The following GABRG1 variants were observed in gnomAD, a reference collection of about 807,000 sequenced individuals.
GABRG1 encodes the protein gamma-aminobutyric acid type A receptor subunit gamma1.
In GABRG1, 49 loss-of-function variants were observed where a neutral mutation model predicts 49.8. The observed-to-expected ratio is 0.98, with a 90% confidence interval of 0.78 to 1.25. GABRG1 has a LOEUF of 1.25. Among genes scored for constraint, GABRG1 ranks in the 50% most tolerant of loss-of-function variants. The pLI is 0.00. For synonymous variants in GABRG1, 232 were observed against 185.1 expected, an observed-to-expected ratio of 1.25 and a Z score of -2.06; for missense variants, 552 against 552.3, an observed-to-expected ratio of 1.00 and a Z score of 0.01.
At chr4:46,063,073 C>T (rs1365173678) in intron 5 of GABRG1, among the ~76,000 whole-genome samples, 6 of 150,452 alleles carry the variant, frequency 4.0e-5, no homozygotes, top group South Asian at 2.1e-4. Context: ...GAATCAATAT[C>T]GTGAAAATGG....
rs572396064 is a variant in GABRG1, at chr4:46,104,349, C to T, written c.105-7000G>A. ...CCAATACACAGTTTAAGAAACAAAA[C>T]GCTCTACATTCTTCTCCAGCCTCAG... On this transcript the variant is annotated intron_variant, in intron 1 of 8. Transcript: ENST00000295452. Among the ~76,000 whole-genome samples, 164 of 151,578 alleles carry T rather than the reference C, an allele frequency of 1.1e-3. 1 individual carries two copies. The highest frequency in any genetic ancestry group is 2.1e-3 in the Non-Finnish European group (145 of 67,620).
At chr4:46,097,852 A>G (rs1720232594) in intron 1 of GABRG1, among the ~76,000 whole-genome samples, 1 of 151,784 alleles carries the variant, frequency 6.6e-6, no homozygotes, top group African/African-American at 2.4e-5. Context: ...AAAGGAAAAC[A>G]TGTTTGTTGT....
At chr4:46,069,633 C>T (rs978137751) in intron 3 of GABRG1, among the ~76,000 whole-genome samples, 5 of 152,022 alleles carry the variant, frequency 3.3e-5, no homozygotes, top group Admixed American at 2.6e-4. Context: ...AGCTACTAAC[C>T]CTTTGTGCTC....
intron 5 of GABRG1, among the ~76,000 whole-genome samples, chr4:46,060,795 C>T (rs1718642258): frequency 6.6e-6 from 1 of 151,954 alleles, no homozygotes; most frequent in Admixed American, 6.6e-5. Flanking sequence ...TCTGTCTTTA[C>T]TTTTAAAAAG....
intron 1 of GABRG1, among the ~76,000 whole-genome samples, chr4:46,117,841 TAC>T (rs1460239906): frequency 9.5e-6 from 1 of 104,912 alleles, no homozygotes; most frequent in African/African-American, 4.8e-5. Context: ...TACATATGTA[TAC>T]ATGTGTATCT....
In GABRG1 at chr4:46,051,456, T is replaced by C. The variant is rs373112170; in HGVS notation, c.1099A>G (p.Thr367Ala). The C allele has an allele frequency of 3.7e-6, 6 of 1,609,996 alleles. No individual in the cohort carries two copies. Among genetic ancestry groups the C allele is most frequent in the East Asian group, 2.2e-5 (1 of 44,732 alleles). ...FTSNQKGKTA[T>A]KDRKLKNKAS... is the part of the protein sequence containing the mutation. Reference sequence around the variant, plus strand: ...TTATTTTTTAGCTTTCTGTCTTTAGTAGCAGTCTTTCCTTTTTGGTTGCTG... The same window carrying C: ...TTATTTTTTAGCTTTCTGTCTTTAGCAGCAGTCTTTCCTTTTTGGTTGCTG... Residue 367 changes from threonine to alanine, a missense_variant, in exon 8 of 9, where the codon ACT becomes GCT. Thr to Ala is a moderately conservative substitution (Grantham distance 58, BLOSUM62 0). Transcript: ENST00000295452.
At chr4:46,083,867 A>C in intron 3 of GABRG1, 119 bp downstream of exon 3, 1 of 683,036 alleles carries the variant, frequency 1.5e-6, no homozygotes, top group Middle Eastern at 3.8e-4. Flanking sequence ...GTAATTGTAC[A>C]TGTTGATCTG....
intron 8 of GABRG1, among the ~76,000 whole-genome samples, chr4:46,048,415 G>C (rs1718083857): frequency 7.0e-6 from 1 of 143,822 alleles, no homozygotes; most frequent in Admixed American, 7.0e-5. Context: ...AGGAAGGAAG[G>C]AAGGAAGGTT....
chr4:46,071,849 TAAA>T (rs774891107), intron 3 of GABRG1, among the ~76,000 whole-genome samples: 7 of 152,016 alleles, frequency 4.6e-5, no homozygotes, highest in Non-Finnish European at 2.9e-5. Flanking sequence ...ATTTATAAAA[TAAA>T]AAATTCAGTA....
chr4:46,099,558 C>T (rs912231282), intron 1 of GABRG1, among the ~76,000 whole-genome samples: 1 of 151,716 alleles, frequency 6.6e-6, no homozygotes, highest in Non-Finnish European at 1.5e-5. Flanking sequence ...ATTTGTAACA[C>T]TTTGAGAATA....
intron 1 of GABRG1, among the ~76,000 whole-genome samples, chr4:46,122,786 T>C (rs1437929681): frequency 6.6e-6 from 1 of 152,102 alleles, no homozygotes; most frequent in Admixed American, 6.6e-5. Context: ...TGTACTTTAC[T>C]TTTGAATTCT....
intron 1 of GABRG1, among the ~76,000 whole-genome samples, chr4:46,110,740 TA>T (rs951948555): frequency 1.3e-3 from 199 of 150,584 alleles, no homozygotes; most frequent in African/African-American, 4.3e-3. Flanking sequence ...TGAGCATAAT[TA>T]AAAAAAACAT....
chr4:46,077,467 A>T (rs1297575595), intron 3 of GABRG1, among the ~76,000 whole-genome samples: 1 of 151,952 alleles, frequency 6.6e-6, no homozygotes, highest in East Asian at 1.9e-4. Context: ...GATATTTTAA[A>T]TTTTTTCTTC....
At chr4:46,066,839 T>C (rs1039641386) in intron 3 of GABRG1, among the ~76,000 whole-genome samples, 31 of 151,180 alleles carry the variant, frequency 2.1e-4, no homozygotes, top group African/African-American at 7.0e-4. Flanking sequence ...AATATACATA[T>C]ATATTATATA....
At chr4:46,069,260 G>A (rs1719029306) in intron 3 of GABRG1, among the ~76,000 whole-genome samples, 1 of 151,946 alleles carries the variant, frequency 6.6e-6, no homozygotes, top group Admixed American at 6.6e-5. Context: ...TCCTATGTTG[G>A]CATTAATCTC....
At chr4:46,080,818 AG>A (rs1454610137) in intron 3 of GABRG1, among the ~76,000 whole-genome samples, 3 of 151,858 alleles carry the variant, frequency 2.0e-5, no homozygotes, top group African/African-American at 7.2e-5. Flanking sequence ...ATGCTCAAAC[AG>A]GCTTCTTTTC....
intron 1 of GABRG1, among the ~76,000 whole-genome samples, chr4:46,109,737 AT>A (rs1720662364): frequency 6.6e-6 from 1 of 151,098 alleles, no homozygotes; most frequent in Non-Finnish European, 1.5e-5. Context: ...ATTTCAAATA[AT>A]TTTTTGATTT....
rs992466310 is a variant in GABRG1, at chr4:46,040,762, G to A, written c.*226C>T. 2.8e-5 allele frequency: 10 copies of A among 353,406 alleles called. No individual in the cohort carries two copies. The highest frequency in any genetic ancestry group is 2.1e-4 in the African/African-American group (10 of 47,402). 21.9% of individuals were successfully genotyped at this position (353,406 alleles called of 1,614,324 possible). ...TTAAAGAAAATTTAAGTAAAAATATGTGAGTATTTTAACCTACTGGATTTT... is the reference window on the plus strand; with the variant it reads ...TTAAAGAAAATTTAAGTAAAAATATATGAGTATTTTAACCTACTGGATTTT... On this transcript the variant is annotated 3_prime_UTR_variant, in exon 9 of 9. Transcript: ENST00000295452.
chr4:46,118,100 G>T (rs1320389395), intron 1 of GABRG1, among the ~76,000 whole-genome samples: 2 of 138,512 alleles, frequency 1.4e-5, no homozygotes, highest in Non-Finnish European at 3.1e-5. Context: ...GTATACATAT[G>T]TGTGTATATA....
Sources: allele counts gnomAD v4.1 joint callset (sites outside exome capture counted in the v4.1 genomes callset), GRCh38; gene constraint gnomAD v4.1.1; transcripts MANE v1.5; gene names NCBI Gene and HGNC (gene_info 2026-07-23, HGNC 2026-07-21).